CSMD2: variants seen among roughly 807,000 people sequenced by gnomAD.
CSMD2 encodes the protein CUB and sushi domain-containing protein 2.
Under a neutral mutation model 398.5 loss-of-function variants are expected in CSMD2, and 130 were observed. The observed-to-expected ratio is 0.33, with a 90% CI of 0.28 to 0.38. The LOEUF is 0.38. Among genes scored for constraint, CSMD2 ranks in the 10% least tolerant of loss-of-function variants. CSMD2 has a pLI of 1.00. For synonymous variants in CSMD2, 1,828 were observed against 1,908.5 expected (o/e 0.96, Z 1.10); for missense variants, 3,829 against 4,764.9 (o/e 0.80, Z 5.78).
intron 6 of CSMD2, among the ~76,000 whole-genome samples, chr1:33,827,631 T>C (rs2125021468): frequency 6.9e-6 from 1 of 145,232 alleles, no homozygotes; most frequent in Non-Finnish European, 1.5e-5. Context: ...CACATTGCAA[T>C]GTAAGCTCTA....
intron 5 of CSMD2, among the ~76,000 whole-genome samples, chr1:33,915,659 G>A (rs7355156): frequency 0.038 from 5,731 of 152,268 alleles, 338 homozygotes; most frequent in African/African-American, 0.13. Context: ...GGATAAACAA[G>A]TGAGTCGAAA....
intron 3 of CSMD2, among the ~76,000 whole-genome samples, chr1:33,991,546 C>A (rs903049854): frequency 2.0e-5 from 3 of 152,204 alleles, no homozygotes; most frequent in African/African-American, 7.2e-5. Flanking sequence ...GGTTTCCCTG[C>A]CTCAGCCAGC....
chr1:34,097,441 A>C (rs1487115655), intron 1 of CSMD2, among the ~76,000 whole-genome samples: 1 of 107,314 alleles, frequency 9.3e-6, no homozygotes, highest in African/African-American at 3.8e-5. Flanking sequence ...GAGCTTCTGC[A>C]CAGCAAAAGA....
At chr1:33,615,851 A>G (rs571299237) in intron 39 of CSMD2, among the ~76,000 whole-genome samples, 2 of 151,846 alleles carry the variant, frequency 1.3e-5, no homozygotes, top group South Asian at 2.1e-4. Flanking sequence ...CTTGAGTGTC[A>G]CTCCCTTACC....
intron 3 of CSMD2, among the ~76,000 whole-genome samples, chr1:33,943,937 C>G (rs1241479303): frequency 6.6e-6 from 1 of 151,360 alleles, no homozygotes; most frequent in African/African-American, 2.4e-5. Context: ...CACACACACA[C>G]ACACACACAC....
At chr1:33,528,199 C>T (rs1251850750) in intron 64 of CSMD2, among the ~76,000 whole-genome samples, 1 of 152,204 alleles carries the variant, frequency 6.6e-6, no homozygotes, top group African/African-American at 2.4e-5. Flanking sequence ...ACTGCGTGAC[C>T]TTGACTAGTA....
At chr1:34,100,741 G>C (rs1659857043) in intron 1 of CSMD2, among the ~76,000 whole-genome samples, 1 of 152,164 alleles carries the variant, frequency 6.6e-6, no homozygotes, top group Non-Finnish European at 1.5e-5. Context: ...CATTTAAATT[G>C]CTTCTGGATT....
At chr1:33,925,286 G>C (rs1435904300) in intron 4 of CSMD2, among the ~76,000 whole-genome samples, 1 of 152,092 alleles carries the variant, frequency 6.6e-6, no homozygotes. Flanking sequence ...AGTTTTCCCA[G>C]CACTATTGAA....
At position 33,626,481 on chromosome 1, in the gene CSMD2, C is replaced by T. The variant is rs1476168062; in HGVS notation, c.5296+5G>A. 6.3e-7 allele frequency: 1 copy of T among 1,598,768 alleles called. No individual in the cohort carries two copies. Among genetic ancestry groups the T allele is most frequent in the Admixed American group, 1.7e-5 (1 of 57,342 alleles). ...TCCTACCTCCGGCGTCCATGTCCTC[C>T]ATACCTTGGTAGACAAAGTGGAAGC... is the stretch of plus-strand genomic sequence containing the variant. On this transcript the variant is annotated splice_donor_5th_base_variant and intron_variant, in intron 33 of 70. Transcript: ENST00000373381.
intron 3 of CSMD2, among the ~76,000 whole-genome samples, chr1:33,949,731 G>A (rs80203048): frequency 0.04 from 6,131 of 152,256 alleles, 150 homozygotes; most frequent in Non-Finnish European, 0.057. Context: ...CCAGAGACAA[G>A]AAGTGGCACA....
intron 3 of CSMD2, among the ~76,000 whole-genome samples, chr1:33,986,244 G>A (rs1477482327): frequency 6.6e-6 from 1 of 152,184 alleles, no homozygotes; most frequent in African/African-American, 2.4e-5. Flanking sequence ...GGCCCTTGCA[G>A]CAACACCCTC....
At chr1:33,588,089 A>G (rs978714054) in intron 44 of CSMD2, among the ~76,000 whole-genome samples, 1 of 152,236 alleles carries the variant, frequency 6.6e-6, no homozygotes, top group African/African-American at 2.4e-5. Context: ...AACCAATTAC[A>G]GTACGTTCCT....
At chr1:33,705,682 A>G (rs559346308) in intron 22 of CSMD2, among the ~76,000 whole-genome samples, 1 of 151,418 alleles carries the variant, frequency 6.6e-6, no homozygotes, top group South Asian at 2.1e-4. Flanking sequence ...TTTTATCTAT[A>G]AAAATTTCCA....
At chr1:33,611,300 T>C (rs1256154945) in intron 40 of CSMD2, 50 bp from the exon 41 acceptor site, 1 of 1,494,860 alleles carries the variant, frequency 6.7e-7, no homozygotes, top group East Asian at 2.3e-5. Context: ...CAGTCCTGCC[T>C]CAAGTGTGCT....
intron 25 of CSMD2, among the ~76,000 whole-genome samples, chr1:33,673,309 C>T (rs920819806): frequency 3.9e-5 from 6 of 152,094 alleles, no homozygotes; most frequent in East Asian, 3.9e-4. Flanking sequence ...AACTACGTGA[C>T]GAATGCACAA....
intron 24 of CSMD2, 146 bp from the exon 25 acceptor site, chr1:33,693,202 C>G (rs949746583): frequency 9.0e-6 from 8 of 889,336 alleles, no homozygotes; most frequent in African/African-American, 5.2e-5. Context: ...TAAAAGGTCT[C>G]TGGATGAGAC....
chr1:33,943,743 T>C (rs963840261), intron 3 of CSMD2, among the ~76,000 whole-genome samples: 1 of 152,106 alleles, frequency 6.6e-6, no homozygotes, highest in East Asian at 1.9e-4. Flanking sequence ...AATTGTTTCT[T>C]TAGGTGTCTA....
chr1:33,925,017 ATG>A (rs1310463329), intron 4 of CSMD2, among the ~76,000 whole-genome samples: 1 of 151,936 alleles, frequency 6.6e-6, no homozygotes, highest in Non-Finnish European at 1.5e-5. Context: ...CACTTTGTTG[ATG>A]GTTTCTTTTT....
intron 25 of CSMD2, among the ~76,000 whole-genome samples, chr1:33,668,610 T>C (rs966122956): frequency 5.9e-5 from 9 of 152,226 alleles, no homozygotes; most frequent in African/African-American, 1.7e-4. Context: ...AGCTCCCCTG[T>C]AGGTGAACAC....
Sources: gnomAD v4.1 joint callset for allele counts (sites outside exome capture counted in the v4.1 genomes callset) on GRCh38, gnomAD v4.1.1 for gene constraint, MANE v1.5 for transcripts, NCBI Gene and HGNC (gene_info 2026-07-23, HGNC 2026-07-21) for gene names.